The following SPIRE2 variants were observed in gnomAD, a reference collection of about 807,000 sequenced individuals.
SPIRE2 encodes spire type actin nucleation factor 2, also known as protein spire homolog 2.
In SPIRE2, 76 loss-of-function variants were observed where a neutral mutation model predicts 80.7. That is an observed-to-expected ratio of 0.94 (90% CI 0.78 to 1.14). SPIRE2 has a LOEUF of 1.14. Ranked by LOEUF, SPIRE2 falls within the 50% of genes most tolerant of loss-of-function variation. The probability of loss-of-function intolerance (pLI) is 0.00; values close to 1 mark genes in which losing one functional copy is unlikely to be tolerated. For synonymous variants in SPIRE2, 535 were observed against 432.6 expected, an observed-to-expected ratio of 1.24 and a Z score of -2.94; for missense variants, 1,196 against 1,015.3, an observed-to-expected ratio of 1.18 and a Z score of -2.42.
At chr16:89,864,525 C>A (rs375625884) in intron 12 of SPIRE2, among the ~76,000 whole-genome samples, 5 of 152,348 alleles carry the variant, frequency 3.3e-5, no homozygotes, top group Admixed American at 3.3e-4. Flanking sequence ...AAGGTTTATT[C>A]TCTGGCCCTT....
In SPIRE2 at chr16:89,871,084, T is replaced by G. The variant is rs1448332846; in HGVS notation, c.*812T>G. On this transcript the variant is annotated 3_prime_UTR_variant, in exon 15 of 15. Coordinates refer to ENST00000378247, the MANE Select transcript of SPIRE2 (RefSeq NM_032451.2). ...CTGGGCGACAGAGCGAGACTCTGTCTCGAAAAAAAAAAAGGTCCGTGCCAA... is the reference window on the plus strand; with the variant it reads ...CTGGGCGACAGAGCGAGACTCTGTCGCGAAAAAAAAAAAGGTCCGTGCCAA... The G allele has an allele frequency of 6.7e-6, 1 of 149,664 alleles. No individual in the cohort carries two copies. The highest frequency in any genetic ancestry group is 1.5e-5 in the Non-Finnish European group (1 of 67,478). The allele number at this position is 149,664 out of a possible 1,614,324, so 9.3% of individuals were successfully genotyped here. A position where few individuals can be genotyped will look rare whatever the true frequency, so the allele number is the denominator to read the frequency against.
intron 1 of SPIRE2, among the ~76,000 whole-genome samples, chr16:89,833,314 G>C (rs1016862624): frequency 6.6e-6 from 1 of 151,302 alleles, no homozygotes; most frequent in African/African-American, 2.4e-5. Flanking sequence ...TAGTAGAGAT[G>C]GGGTTTCACC....
At chr16:89,835,359 G>A (rs62056061) in intron 1 of SPIRE2, among the ~76,000 whole-genome samples, 9,451 of 152,266 alleles carry the variant, frequency 0.062, 458 homozygotes, top group East Asian at 0.23. Flanking sequence ...TCGGTTAATG[G>A]TGGGAATGTG....
At chr16:89,833,883 G>A (rs1271798487) in intron 1 of SPIRE2, among the ~76,000 whole-genome samples, 1 of 152,140 alleles carries the variant, frequency 6.6e-6, no homozygotes, top group African/African-American at 2.4e-5. Flanking sequence ...CTCTATCCCT[G>A]AGCCCTCCCA....
chr16:89,852,550 A>G (rs185477448), intron 3 of SPIRE2, among the ~76,000 whole-genome samples: 3 of 14,912 alleles, frequency 2.0e-4, no homozygotes, highest in African/African-American at 3.1e-4. Flanking sequence ...CCCCTGGCCC[A>G]TCTTCCGTCC....
intron 1 of SPIRE2, among the ~76,000 whole-genome samples, chr16:89,840,996 C>T (rs2041501060): frequency 6.6e-6 from 1 of 151,802 alleles, no homozygotes; most frequent in Non-Finnish European, 1.5e-5. Flanking sequence ...TCCCTAGCAT[C>T]TTTGTTCTAG....
chr16:89,828,495 A>AAGGCGCGGCTGC lies in SPIRE2; in HGVS notation c.-54_-43dup. Reference sequence around the variant, plus strand: ...CGGCCAGGCTGACCCTGCGCGGCGGAAGGCGCGGCTGCATGGACGCGGGTC... The same window carrying AAGGCGCGGCTGC: ...CGGCCAGGCTGACCCTGCGCGGCGGAAGGCGCGGCTGCAGGCGCGGCTGCATGGACGCGGGTC... On this transcript the variant is annotated 5_prime_UTR_variant, in exon 1 of 15. In the 5' UTR this introduces an upstream ATG that the reference lacks. Coordinates refer to ENST00000378247, the MANE Select transcript of SPIRE2 (RefSeq NM_032451.2). This position sits in a 1 kb window ranked among gnomAD's most constrained non-coding sequence, Gnocchi z 5.9. 1.0e-6 allele frequency: 1 copy of AAGGCGCGGCTGC among 994,556 alleles called. No individual in the cohort carries two copies. Among genetic ancestry groups the AAGGCGCGGCTGC allele is most frequent in the Non-Finnish European group, 1.2e-6 (1 of 838,202 alleles). 61.6% of individuals were successfully genotyped at this position (994,556 alleles called of 1,614,324 possible).
chr16:89,855,504 A>C (rs1022616537), intron 5 of SPIRE2, 96 bp from the exon 6 acceptor site: 7 of 1,093,896 alleles, frequency 6.4e-6, no homozygotes, highest in Non-Finnish European at 9.5e-6. Flanking sequence ...GTAGGTGCGA[A>C]GACCAGGCTG....
intron 1 of SPIRE2, among the ~76,000 whole-genome samples, chr16:89,834,237 G>A (rs1382013462): frequency 3.6e-5 from 5 of 137,472 alleles, no homozygotes; most frequent in African/African-American, 1.0e-4. Flanking sequence ...GTTGGCCGTC[G>A]TAGAAGCATG....
At chr16:89,864,742 A>G (rs1385931238) in intron 12 of SPIRE2, among the ~76,000 whole-genome samples, 1 of 152,226 alleles carries the variant, frequency 6.6e-6, no homozygotes, top group Non-Finnish European at 1.5e-5. Context: ...CTGATACATC[A>G]TAAAAGCAAG....
intron 1 of SPIRE2, among the ~76,000 whole-genome samples, chr16:89,833,511 G>C (rs2041408554): frequency 6.6e-6 from 1 of 152,242 alleles, no homozygotes; most frequent in Admixed American, 6.5e-5. Flanking sequence ...GGTATCAGGG[G>C]CAGGTTCAGC....
chr16:89,849,637 C>T (rs1217189940), intron 2 of SPIRE2, among the ~76,000 whole-genome samples: 1 of 152,178 alleles, frequency 6.6e-6, no homozygotes, highest in Non-Finnish European at 1.5e-5. Context: ...TGGGGACCAC[C>T]TGGGCCTGTG....
chr16:89,856,482 T>G (rs969977122), intron 7 of SPIRE2, among the ~76,000 whole-genome samples: 10 of 152,008 alleles, frequency 6.6e-5, no homozygotes, highest in Non-Finnish European at 1.3e-4. Flanking sequence ...TCTTGCTCTG[T>G]CGCCCAGGAT....
chr16:89,834,819 C>T (rs1202925301), intron 1 of SPIRE2, among the ~76,000 whole-genome samples: 3 of 140,058 alleles, frequency 2.1e-5, no homozygotes, highest in Non-Finnish European at 3.1e-5. Context: ...CCCGCATTCG[C>T]GGTTGGCCGT....
intron 2 of SPIRE2, among the ~76,000 whole-genome samples, chr16:89,848,659 G>T (rs4785731): frequency 8.1e-6 from 1 of 123,314 alleles, no homozygotes. Context: ...GGCCTTCTGC[G>T]GCGTTTCTGC....
chr16:89,843,698 GTT>G lies in SPIRE2; in HGVS notation c.245-1606_245-1605del, dbSNP rs568062812. Among the ~76,000 whole-genome samples the G allele has an allele frequency of 7.4e-3, 134 of 18,192 alleles. 1 individual carries two copies. The highest frequency in any genetic ancestry group is 0.025 in the African/African-American group (124 of 5,042). The allele number at this position is 18,192 out of a possible 152,430, so 11.9% of individuals were successfully genotyped here. ...TTTTTTTTGTTTGTTTTTGTTTTTT[GTT>G]TTTTTTTTTTTTTTTTTGAGACAGA... On this transcript the variant is annotated intron_variant, in intron 1 of 14. Coordinates refer to ENST00000378247, the MANE Select transcript of SPIRE2 (RefSeq NM_032451.2).
At chr16:89,860,191 C>T (rs181131647) in intron 9 of SPIRE2, among the ~76,000 whole-genome samples, 5 of 152,302 alleles carry the variant, frequency 3.3e-5, no homozygotes, top group South Asian at 2.1e-4. Context: ...GGGGCCCTTC[C>T]GGGGTCCTGT....
rs1407089660 is a variant in SPIRE2, at chr16:89,870,261, G to C, written c.2134G>C (p.Asp712His). ...SLYIPNTRTL[D>H]FK The stretch of plus-strand genomic sequence containing the variant: ...CTACATCCCTAACACCAGGACTCTT[G>C]ACTTCAAGTGACAGCCCCAGGTGGC... Residue 712 changes from aspartate to histidine, a missense_variant, in exon 15 of 15, where the codon GAC (aspartate) becomes CAC (histidine). Physicochemically the swap from Asp to His is moderately conservative, Grantham distance 81. Transcript: ENST00000378247. The C allele has an allele frequency of 1.9e-6, 3 of 1,591,650 alleles. No individual in the cohort carries two copies. The African/African-American group carries it at 4.0e-5, about 21-fold the overall frequency.
At chr16:89,831,605 G>A (rs576143874) in intron 1 of SPIRE2, among the ~76,000 whole-genome samples, 3 of 150,476 alleles carry the variant, frequency 2.0e-5, no homozygotes, top group Non-Finnish European at 1.5e-5. Context: ...CACTGTGTTA[G>A]CCAGAATGGT....
Sources: gnomAD v4.1 joint callset for allele counts (sites outside exome capture counted in the v4.1 genomes callset) on GRCh38, gnomAD v4.1.1 for gene constraint, Gnocchi (gnomAD v3.1) non-coding constraint, MANE v1.5 for transcripts, NCBI Gene and HGNC (gene_info 2026-07-23, HGNC 2026-07-21) for gene names.